LARGE1: variants seen among roughly 807,000 people sequenced by gnomAD.
LARGE1 encodes LARGE xylosyl- and glucuronyltransferase 1.
Under a neutral mutation model 87.6 loss-of-function variants are expected in LARGE1, and 43 were observed. The observed-to-expected ratio is 0.49, with a 90% confidence interval of 0.38 to 0.63. LARGE1 has a LOEUF of 0.63. LARGE1 is among the 30% of genes least tolerant of loss of function. The probability of loss-of-function intolerance (pLI) is 0.00; values close to 1 mark genes in which losing one functional copy is unlikely to be tolerated. For synonymous variants in LARGE1, 434 were observed against 394.6 expected (o/e 1.10, Z -1.18); for missense variants, 802 against 1,000.2 (o/e 0.80, Z 2.67).
chr22:33,656,393 C>A (rs1039948914), intron 2 of LARGE1, among the ~76,000 whole-genome samples: 1 of 152,098 alleles, frequency 6.6e-6, no homozygotes, highest in Non-Finnish European at 1.5e-5. Flanking sequence ...ATGAGGGAAC[C>A]GCCCCCATGA....
At chr22:33,900,257 C>A (rs1157241868) in intron 1 of LARGE1, among the ~76,000 whole-genome samples, 1 of 152,248 alleles carries the variant, frequency 6.6e-6, no homozygotes. Flanking sequence ...TAAGAAGATG[C>A]AGCTCAGCTC....
At chr22:33,692,182 A>T (rs1206119805) in intron 2 of LARGE1, among the ~76,000 whole-genome samples, 1 of 152,226 alleles carries the variant, frequency 6.6e-6, no homozygotes, top group Non-Finnish European at 1.5e-5. Context: ...TATGTAAATG[A>T]CAACTTCTCT....
intron 3 of LARGE1, among the ~76,000 whole-genome samples, chr22:33,630,130 C>G (rs2080059637): frequency 6.6e-6 from 1 of 151,984 alleles, no homozygotes; most frequent in Non-Finnish European, 1.5e-5. Flanking sequence ...ACCTGGGAGG[C>G]AGAGGTTGCA....
At chr22:33,321,972 C>A (rs893385213) in intron 10 of LARGE1, among the ~76,000 whole-genome samples, 2 of 152,124 alleles carry the variant, frequency 1.3e-5, no homozygotes, top group Non-Finnish European at 2.9e-5. Context: ...GTGCGCACCA[C>A]CATGCCCAGC....
At chr22:33,815,734 T>C (rs976462438) in intron 1 of LARGE1, among the ~76,000 whole-genome samples, 3 of 152,200 alleles carry the variant, frequency 2.0e-5, no homozygotes, top group Admixed American at 1.3e-4. Context: ...ATCTGAACTC[T>C]GTCTTTCTGT....
In LARGE1 at chr22:33,826,593, G is replaced by A. The variant is rs900794065; in HGVS notation, c.-82-65035C>T. Among the ~76,000 whole-genome samples, 8 of 151,892 alleles carry A rather than the reference G, an allele frequency of 5.3e-5. No individual in the cohort carries two copies. The East Asian group carries it at 1.4e-3, about 26-fold the overall frequency. Reference sequence around the variant, plus strand: ...CCTGACGTTGTGATCCGCCCGCCTCGGCCTCCCCAAATGCTGAGATTACAG... The same window carrying A: ...CCTGACGTTGTGATCCGCCCGCCTCAGCCTCCCCAAATGCTGAGATTACAG... On this transcript the variant is annotated intron_variant, in intron 1 of 14. Coordinates refer to ENST00000397394, the MANE Select transcript of LARGE1 (RefSeq NM_133642.5).
At chr22:33,898,695 G>A (rs571846426) in intron 1 of LARGE1, among the ~76,000 whole-genome samples, 7 of 152,254 alleles carry the variant, frequency 4.6e-5, no homozygotes, top group Non-Finnish European at 5.9e-5. Flanking sequence ...TGGAGGTTGT[G>A]GTGAGCCGAG....
At chr22:33,155,691 A>C in the LARGE1 span, among the ~76,000 whole-genome samples, 5 of 152,242 alleles carry the variant, frequency 3.3e-5, no homozygotes, top group Non-Finnish European at 5.9e-5. Flanking sequence ...GAGAAATTCA[A>C]GGAGGCTGCA....
At chr22:33,839,663 T>A (rs2146400746) in intron 1 of LARGE1, among the ~76,000 whole-genome samples, 1 of 152,308 alleles carries the variant, frequency 6.6e-6, no homozygotes, top group African/African-American at 2.4e-5. Flanking sequence ...CCTGAACAGT[T>A]AAAATATGAA....
chr22:33,393,776 G>C (rs535825735), intron 7 of LARGE1, among the ~76,000 whole-genome samples: 2 of 152,370 alleles, frequency 1.3e-5, no homozygotes, highest in South Asian at 4.1e-4. Flanking sequence ...GACAAGGACT[G>C]TCAAGGGAGC....
chr22:33,473,363 T>G (rs1315630737), intron 6 of LARGE1, among the ~76,000 whole-genome samples: 3 of 151,992 alleles, frequency 2.0e-5, no homozygotes, highest in Non-Finnish European at 4.4e-5. Flanking sequence ...TTTTTTTATT[T>G]TTTTGAGACG....
At chr22:33,096,575 T>G in the LARGE1 span, among the ~76,000 whole-genome samples, 6,367 of 143,046 alleles carry the variant, frequency 0.045, 354 homozygotes, top group East Asian at 0.25. Flanking sequence ...TGTTTTTTTT[T>G]TTTTTTTGAG....
chr22:33,402,463 C>T (rs1365306149), intron 7 of LARGE1, among the ~76,000 whole-genome samples: 2 of 152,156 alleles, frequency 1.3e-5, no homozygotes, highest in Non-Finnish European at 2.9e-5. Flanking sequence ...ATACAGTCAC[C>T]TCCCCAGTGC....
At chr22:33,209,262 A>G (rs5998808) in intron 11 of LARGE1, among the ~76,000 whole-genome samples, 1 of 152,192 alleles carries the variant, frequency 6.6e-6, no homozygotes, top group Non-Finnish European at 1.5e-5. Flanking sequence ...CTTTCTTTCT[A>G]TAGCTCTTTT....
chr22:33,589,670 T>C (rs911646933), intron 5 of LARGE1, among the ~76,000 whole-genome samples: 7 of 152,226 alleles, frequency 4.6e-5, no homozygotes, highest in African/African-American at 1.4e-4. Context: ...TCATTTATCA[T>C]TACCTTTGTT....
chr22:33,461,568 G>T (rs997270891), intron 6 of LARGE1, among the ~76,000 whole-genome samples: 6 of 151,030 alleles, frequency 4.0e-5, no homozygotes, highest in Non-Finnish European at 7.4e-5. Flanking sequence ...CGAGTTAATG[G>T]GTGCAGCACA....
At chr22:33,387,003 C>T (rs2147161228) in intron 7 of LARGE1, among the ~76,000 whole-genome samples, 1 of 148,584 alleles carries the variant, frequency 6.7e-6, no homozygotes, top group East Asian at 1.9e-4. Flanking sequence ...ACTCAGGAGG[C>T]TGAGGCAGGA....
chr22:33,609,705 T>A (rs2079373410), intron 4 of LARGE1, among the ~76,000 whole-genome samples: 1 of 152,072 alleles, frequency 6.6e-6, no homozygotes, highest in Non-Finnish European at 1.5e-5. Flanking sequence ...TTTTTCCCCA[T>A]CCAAATCTTA....
intron 7 of LARGE1, among the ~76,000 whole-genome samples, chr22:33,396,559 A>C (rs1411043516): frequency 1.3e-5 from 2 of 151,762 alleles, no homozygotes; most frequent in East Asian, 3.9e-4. Flanking sequence ...ACCTTCCCTA[A>C]CTTGGCTGGG....
Sources: gnomAD v4.1 joint callset for allele counts (sites outside exome capture counted in the v4.1 genomes callset) on GRCh38, gnomAD v4.1.1 for gene constraint, MANE v1.5 for transcripts, NCBI Gene and HGNC (gene_info 2026-07-23, HGNC 2026-07-21) for gene names.